TARBP1: variants seen among roughly 807,000 people sequenced by gnomAD.
TARBP1 encodes tRNA (guanosine(18)-2'-O)-methyltransferase TARBP1.
In TARBP1, 144 loss-of-function variants were observed where a neutral mutation model predicts 178.6. The ratio of observed to expected loss-of-function variants is 0.81; its 90% CI spans 0.70 to 0.93. TARBP1 has a LOEUF of 0.93. Ranked by LOEUF, TARBP1 falls within the 40% of genes least tolerant of loss-of-function variation. TARBP1 has a pLI of 0.00. For synonymous variants in TARBP1, 787 were observed against 781.0 expected (o/e 1.01, Z -0.13); for missense variants, 2,067 against 2,011.7 (o/e 1.03, Z -0.53).
chr1:234,471,463 C>T (rs4920252), intron 2 of TARBP1, among the ~76,000 whole-genome samples: 38,238 of 152,094 alleles, frequency 0.25, 6,691 homozygotes, highest in East Asian at 0.83. Context: ...AACCACATTA[C>T]AGCTACATTA....
chr1:234,420,457 C>T (rs992834936), intron 21 of TARBP1, among the ~76,000 whole-genome samples: 2 of 152,008 alleles, frequency 1.3e-5, no homozygotes, highest in African/African-American at 2.4e-5. Context: ...ATTAAAACAC[C>T]GAAGGGAAAA....
intron 21 of TARBP1, among the ~76,000 whole-genome samples, 172 bp from the exon 22 acceptor site, chr1:234,418,405 C>T (rs970987788): frequency 3.6e-4 from 55 of 152,282 alleles, no homozygotes; most frequent in African/African-American, 1.2e-3. Context: ...GATGAAGTAC[C>T]TTCATTCAGT....
Position 234,478,425 on chromosome 1 carries a change from C to A in TARBP1, c.679G>T (p.Glu227Ter). The change falls in exon 1 of 30, where the codon GAG becomes TAG. Residue 227 changes from glutamate (E) to a stop codon, truncating the protein, a stop_gained. Transcript: ENST00000040877. LOFTEE classifies it high-confidence loss of function. ...PGASLGSGRV[E>*]EKLLVLSALA... ...GCGCTCAGGACCAGCAGCTTCTCCT[C>A]TACGCGGCCGGACCCCAGGGACGCC... is the stretch of plus-strand genomic sequence containing the variant. 1 of 1,387,624 alleles carries A rather than the reference C, an allele frequency of 7.2e-7. No individual in the cohort carries two copies. The highest frequency in any genetic ancestry group is 9.4e-7 in the Non-Finnish European group (1 of 1,066,862). 86.0% of individuals were successfully genotyped at this position (1,387,624 alleles called of 1,614,324 possible).
intron 25 of TARBP1, among the ~76,000 whole-genome samples, chr1:234,400,005 G>A (rs561494573): frequency 2.5e-4 from 37 of 150,372 alleles, no homozygotes; most frequent in Non-Finnish European, 5.3e-4. Context: ...CCTGCACATT[G>A]TGCACATGTA....
Position 234,478,161 on chromosome 1 carries a change from A to C in TARBP1, c.931+12T>G, listed in dbSNP as rs775295809. On this transcript the variant is annotated intron_variant, in intron 1 of 29. Coordinates refer to ENST00000040877, the MANE Select transcript of TARBP1 (RefSeq NM_005646.4). ...TAGGTAGCACTAGGCTGGGGGGCAA[A>C]GAGGCAGGTACCGTTTCCTTCCTGG... 1.9e-6 allele frequency: 3 copies of C among 1,611,190 alleles called. No homozygotes were observed. The South Asian group carries it at 3.3e-5, about 18-fold the overall frequency.
intron 3 of TARBP1, among the ~76,000 whole-genome samples, chr1:234,469,724 T>G (rs1668852142): frequency 6.6e-6 from 1 of 152,274 alleles, no homozygotes; most frequent in African/African-American, 2.4e-5. Flanking sequence ...TGGGCTGCAT[T>G]TAGCTATTTC....
chr1:234,472,298 C>T (rs1203974753), intron 2 of TARBP1, among the ~76,000 whole-genome samples: 1 of 135,776 alleles, frequency 7.4e-6, no homozygotes, highest in Non-Finnish European at 1.5e-5. Flanking sequence ...CACTGAACCC[C>T]AGCCTGGGCG....
chr1:234,469,915 A>G (rs1668870432), intron 3 of TARBP1, among the ~76,000 whole-genome samples: 1 of 152,228 alleles, frequency 6.6e-6, no homozygotes, highest in Non-Finnish European at 1.5e-5. Context: ...GAAACACTGG[A>G]AAAGATATAC....
intron 12 of TARBP1, among the ~76,000 whole-genome samples, chr1:234,440,104 T>C (rs940673826): frequency 1.3e-4 from 20 of 152,300 alleles, no homozygotes; most frequent in Non-Finnish European, 8.8e-5. Flanking sequence ...AAAGATGTTC[T>C]AAATAATTCA....
chr1:234,412,771 A>G (rs1255928233), intron 22 of TARBP1, among the ~76,000 whole-genome samples: 1 of 152,234 alleles, frequency 6.6e-6, no homozygotes, highest in Non-Finnish European at 1.5e-5. Flanking sequence ...GCCTGAAACC[A>G]AAAGGACTGG....
intron 5 of TARBP1, among the ~76,000 whole-genome samples, chr1:234,464,857 C>T (rs3754308): frequency 0.063 from 9,590 of 152,048 alleles, 431 homozygotes; most frequent in African/African-American, 0.11. Flanking sequence ...AAATGATGCT[C>T]AAAAAAATGA....
chr1:234,414,349 T>C (rs1176493374), intron 22 of TARBP1, among the ~76,000 whole-genome samples: 1 of 152,068 alleles, frequency 6.6e-6, no homozygotes, highest in Non-Finnish European at 1.5e-5. Context: ...CATTAGGTAA[T>C]ATGTGAATCC....
Position 234,401,073 on chromosome 1 carries a change from A to C in TARBP1, c.4071+108T>G, listed in dbSNP as rs541983266. 8.9e-6 allele frequency: 7 copies of C among 784,302 alleles called. No individual in the cohort carries two copies. In the East Asian group the frequency reaches 2.0e-4, roughly 22 times the overall value. The allele number at this position is 784,302 out of a possible 1,614,324, so 48.6% of individuals were successfully genotyped here. The stretch of plus-strand genomic sequence containing the variant: ...TTTAAAATGTTAAGGTGATGTTTGT[A>C]AGCAAGAAAAAAACTTTACCCTAAT... On this transcript the variant is annotated intron_variant, in intron 25 of 29. Transcript: ENST00000040877.
intron 6 of TARBP1, among the ~76,000 whole-genome samples, chr1:234,460,826 A>G (rs1667782295): frequency 6.6e-6 from 1 of 152,258 alleles, no homozygotes; most frequent in Non-Finnish European, 1.5e-5. Context: ...AAAATGTGAA[A>G]TATCTATACA....
chr1:234,395,097 G>A (rs914542166), intron 26 of TARBP1, among the ~76,000 whole-genome samples: 1 of 152,134 alleles, frequency 6.6e-6, no homozygotes, highest in African/African-American at 2.4e-5. Context: ...GGTGGTAGAC[G>A]CCTATAATCC....
chr1:234,471,789 AC>A (rs1446420030), intron 2 of TARBP1, among the ~76,000 whole-genome samples: 1 of 152,212 alleles, frequency 6.6e-6, no homozygotes, highest in Admixed American at 6.5e-5. Flanking sequence ...ATTAAAGAAA[AC>A]CATAAAAGTT....
intron 20 of TARBP1, among the ~76,000 whole-genome samples, chr1:234,424,734 T>C (rs922426044): frequency 1.5e-4 from 23 of 152,162 alleles, no homozygotes; most frequent in African/African-American, 5.6e-4. Flanking sequence ...GAGACCATTC[T>C]GACCAACATG....
At chr1:234,436,819 A>G (rs1303009680) in intron 13 of TARBP1, among the ~76,000 whole-genome samples, 1 of 152,218 alleles carries the variant, frequency 6.6e-6, no homozygotes, top group Non-Finnish European at 1.5e-5. Flanking sequence ...TGTACAGTCT[A>G]GAGACAGAGA....
intron 12 of TARBP1, among the ~76,000 whole-genome samples, chr1:234,440,302 G>A (rs2103175461): frequency 6.6e-6 from 1 of 151,272 alleles, no homozygotes; most frequent in African/African-American, 2.4e-5. Flanking sequence ...AGGAAAAAAA[G>A]GCAAAATAAA....
Sources: allele counts gnomAD v4.1 joint callset (sites outside exome capture counted in the v4.1 genomes callset), GRCh38; gene constraint gnomAD v4.1.1; transcripts MANE v1.5; gene names NCBI Gene and HGNC (gene_info 2026-07-23, HGNC 2026-07-21).